The following ZNF536 variants were observed in gnomAD, a reference collection of about 807,000 sequenced individuals.
ZNF536 encodes the protein zinc finger protein 536.
A neutral mutation model predicts 84.5 loss-of-function variants in ZNF536; 13 were observed. The ratio of observed to expected loss-of-function variants is 0.15; its 90% CI spans 0.10 to 0.24. The LOEUF (loss-of-function observed/expected upper bound fraction) is 0.24. ZNF536 is among the 10% of genes least tolerant of loss of function. The pLI is 1.00. For synonymous variants in ZNF536, 811 were observed against 742.5 expected, an observed-to-expected ratio of 1.09 and a Z score of -1.50; for missense variants, 1,536 against 1,747.5, an observed-to-expected ratio of 0.88 and a Z score of 2.16.
chr19:30,604,336 A>C (rs146721844), intron 1 of ZNF536, among the ~76,000 whole-genome samples: 1 of 152,214 alleles, frequency 6.6e-6, no homozygotes, highest in African/African-American at 2.4e-5. Context: ...AAAAATATTC[A>C]CATTTATAAG....
chr19:30,542,908 C>A (rs1457710042), intron 3 of ZNF536, among the ~76,000 whole-genome samples: 11 of 152,184 alleles, frequency 7.2e-5, no homozygotes, highest in Admixed American at 7.2e-4. Flanking sequence ...AACTCCTGGA[C>A]TCAAGCGATC....
chr19:30,420,657 A>G (rs2050914572), intron 1 of ZNF536, among the ~76,000 whole-genome samples: 1 of 152,120 alleles, frequency 6.6e-6, no homozygotes, highest in Non-Finnish European at 1.5e-5. Context: ...AGAAAATCCT[A>G]AATTCTCTTT....
chr19:30,481,007 C>T (rs763912103), intron 2 of ZNF536, among the ~76,000 whole-genome samples: 2 of 137,518 alleles, frequency 1.5e-5, no homozygotes, highest in Non-Finnish European at 3.1e-5. Flanking sequence ...CCAGCCTGGG[C>T]AACAGAGTTA....
rs151211047 is a variant in ZNF536, at chr19:30,550,090, G to A, written c.3895+576G>A. 5.5e-3 allele frequency among the ~76,000 whole-genome samples: 833 copies of A among 152,306 alleles called. 7 individuals carry two copies. Among genetic ancestry groups the A allele is most frequent in the South Asian group, 0.015 (74 of 4,824 alleles). ...TCATTTTTAGACAAACCAAATGGCA[G>A]TTACTGTGACTTTGGCCTTCTGCGC... On this transcript the variant is annotated intron_variant, in intron 4 of 4. Transcript: ENST00000355537.
chr19:30,461,591 A>G (rs2053138725), intron 2 of ZNF536, among the ~76,000 whole-genome samples: 1 of 152,180 alleles, frequency 6.6e-6, no homozygotes, highest in South Asian at 2.1e-4. Context: ...TCAAGGTCAC[A>G]CTTGTTCCCC....
chr19:30,481,707 G>A (rs1275229137), intron 2 of ZNF536, among the ~76,000 whole-genome samples: 2 of 151,890 alleles, frequency 1.3e-5, no homozygotes, highest in Non-Finnish European at 2.9e-5. Flanking sequence ...TTTGGGGAAC[G>A]GGTGGCTTTT....
chr19:30,701,824 G>A (rs2051996482), intron 1 of ZNF536, among the ~76,000 whole-genome samples: 1 of 152,200 alleles, frequency 6.6e-6, no homozygotes, highest in South Asian at 2.1e-4. Flanking sequence ...ATGTCTGTAA[G>A]GTGGGAAGAC....
intron 1 of ZNF536, among the ~76,000 whole-genome samples, chr19:30,645,151 C>A (rs1351366901): frequency 6.6e-6 from 1 of 152,184 alleles, no homozygotes; most frequent in African/African-American, 2.4e-5. Context: ...TGTCTTTTGC[C>A]TGCATAAATG....
chr19:30,645,937 G>T (rs2049449435), intron 1 of ZNF536, among the ~76,000 whole-genome samples: 1 of 152,102 alleles, frequency 6.6e-6, no homozygotes, highest in Non-Finnish European at 1.5e-5. Flanking sequence ...CCATGCCGTT[G>T]CCCAGCCTGG....
chr19:30,526,781 T>C (rs1182611120), intron 2 of ZNF536, among the ~76,000 whole-genome samples: 2 of 151,146 alleles, frequency 1.3e-5, no homozygotes, highest in African/African-American at 4.9e-5. Flanking sequence ...CAGAAACACA[T>C]TTGGCCCACA....
intron 2 of ZNF536, among the ~76,000 whole-genome samples, chr19:30,344,666 C>A (rs937667277): frequency 9.2e-6 from 1 of 109,042 alleles, no homozygotes; most frequent in African/African-American, 4.1e-5. Context: ...TGGAGCAGAG[C>A]AGGCAGGCCA....
chr19:30,598,957 C>CTTCCTCCT (rs11280538), intron 1 of ZNF536, among the ~76,000 whole-genome samples: 38,286 of 78,790 alleles, frequency 0.49, 7,249 homozygotes, highest in East Asian at 0.69. Context: ...TTCTTCCTTC[C>CTTCCTCCT]TTCCTCCTTC....
intron 1 of ZNF536, among the ~76,000 whole-genome samples, chr19:30,405,575 G>T (rs2050230017): frequency 6.6e-6 from 1 of 151,918 alleles, no homozygotes; most frequent in South Asian, 2.1e-4. Flanking sequence ...CTTCTCCATG[G>T]GTACCAAACC....
At chr19:30,560,326 C>T (rs1886814694), downstream of ZNF536, among the ~76,000 whole-genome samples, 1 of 151,908 alleles carries the variant, frequency 6.6e-6, no homozygotes, top group Non-Finnish European at 1.5e-5. Flanking sequence ...AGCCCACCTC[C>T]CCCATAAACC....
intron 2 of ZNF536, among the ~76,000 whole-genome samples, chr19:30,462,303 A>AGTGT (rs772183721): frequency 1.3e-4 from 14 of 109,618 alleles, no homozygotes; most frequent in Middle Eastern, 4.1e-3. Context: ...TGTGTGTGTG[A>AGTGT]GTGTGTGTGT....
chr19:30,389,178 A>G (rs1205011658), intron 1 of ZNF536, among the ~76,000 whole-genome samples: 1 of 152,196 alleles, frequency 6.6e-6, no homozygotes, highest in East Asian at 1.9e-4. Context: ...GCCTCCACGA[A>G]GCCAGGCCTG....
chr19:30,306,527 C>G (rs2046348658), intron 2 of ZNF536, among the ~76,000 whole-genome samples: 1 of 152,196 alleles, frequency 6.6e-6, no homozygotes, highest in Non-Finnish European at 1.5e-5. Context: ...TGAAATGTCT[C>G]TGGATTTGCT....
intron 2 of ZNF536, among the ~76,000 whole-genome samples, chr19:30,334,314 A>C (rs948174736): frequency 6.6e-6 from 1 of 152,224 alleles, no homozygotes; most frequent in South Asian, 2.1e-4. Context: ...GTAAAAGCTT[A>C]TTAGCTGAAT....
chr19:30,283,742 GGA>G (rs3085764), intron 1 of ZNF536, among the ~76,000 whole-genome samples: 34,395 of 146,468 alleles, frequency 0.23, 4,751 homozygotes, highest in East Asian at 0.51. Flanking sequence ...AGAGAGAGAG[GGA>G]GAGAGAGAGA....
Sources: allele counts gnomAD v4.1 joint callset (sites outside exome capture counted in the v4.1 genomes callset), GRCh38; gene constraint gnomAD v4.1.1; transcripts MANE v1.5; gene names NCBI Gene and HGNC (gene_info 2026-07-23, HGNC 2026-07-21).